The following CDH13 variants were observed in gnomAD, a reference collection of about 807,000 sequenced individuals.
CDH13 encodes the protein cadherin 13, also known as cadherin-13.
A neutral mutation model predicts 63.8 loss-of-function variants in CDH13; 24 were observed. That is an observed-to-expected ratio of 0.38 (90% CI 0.27 to 0.53). The LOEUF is 0.53. Among genes scored for constraint, CDH13 ranks in the 20% least tolerant of loss-of-function variants. CDH13 has a pLI of 0.85. For missense variants in CDH13, 1,049 were observed against 903.1 expected (o/e 1.16, Z -2.07); for synonymous variants, 503 against 355.3 (o/e 1.42, Z -4.67).
At chr16:83,597,237 AC>A (rs796262264) in intron 7 of CDH13, among the ~76,000 whole-genome samples, 4,952 of 152,192 alleles carry the variant, frequency 0.033, 271 homozygotes, top group African/African-American at 0.11. Context: ...ACACACACAC[AC>A]AAAAAGTAGA....
chr16:83,375,479 GA>G lies in CDH13; in HGVS notation c.781+30476del, dbSNP rs1395216149. On this transcript the variant is annotated intron_variant, in intron 6 of 13. Transcript: ENST00000567109. ...CTTATGAGTATCTGTTGTGTGCAGA[GA>G]AATATGTTGGAGGACTCTGGGAACT... Among the ~76,000 whole-genome samples the G allele has an allele frequency of 2.6e-5, 4 of 152,168 alleles. No homozygotes were observed. In the East Asian group the frequency reaches 7.7e-4, roughly 29 times the overall value.
chr16:82,703,759 C>T (rs574872610), intron 1 of CDH13, among the ~76,000 whole-genome samples: 24 of 152,118 alleles, frequency 1.6e-4, no homozygotes, highest in Non-Finnish European at 2.8e-4. Flanking sequence ...CTGGCTGCCC[C>T]CTCTGCTAAT....
At chr16:83,657,729 C>T (rs1039083529) in intron 8 of CDH13, among the ~76,000 whole-genome samples, 2 of 152,196 alleles carry the variant, frequency 1.3e-5, no homozygotes, top group African/African-American at 2.4e-5. Context: ...CATTTGCTTG[C>T]TTAGCAATAT....
intron 1 of CDH13, among the ~76,000 whole-genome samples, chr16:82,627,935 C>T (rs1907542277): frequency 6.6e-6 from 1 of 152,258 alleles, no homozygotes; most frequent in Non-Finnish European, 1.5e-5. Context: ...AAGTTCAAGC[C>T]TTGCCCACCC....
At chr16:83,357,950 C>T (rs1267502443) in intron 6 of CDH13, among the ~76,000 whole-genome samples, 12 of 152,134 alleles carry the variant, frequency 7.9e-5, no homozygotes, top group South Asian at 2.1e-4. Flanking sequence ...CTGAGGGCTT[C>T]CTGTGTGTTA....
chr16:83,060,177 GC>G (rs1225332628), intron 3 of CDH13, among the ~76,000 whole-genome samples: 3 of 152,044 alleles, frequency 2.0e-5, no homozygotes, highest in Non-Finnish European at 4.4e-5. Flanking sequence ...TTTTATCAGT[GC>G]CCCTTTGATT....
At chr16:83,449,896 A>G (rs1008080427) in intron 6 of CDH13, among the ~76,000 whole-genome samples, 2 of 152,238 alleles carry the variant, frequency 1.3e-5, no homozygotes, top group Non-Finnish European at 2.9e-5. Flanking sequence ...GTGCCGAATA[A>G]GTGACGGCTG....
chr16:82,867,648 G>A (rs2040196070), intron 2 of CDH13, among the ~76,000 whole-genome samples: 1 of 152,054 alleles, frequency 6.6e-6, no homozygotes, highest in African/African-American at 2.4e-5. Context: ...GGCTTTTGAG[G>A]GTGCTTTTAA....
At chr16:83,618,156 GGCTCA>G (rs1255053638) in intron 8 of CDH13, among the ~76,000 whole-genome samples, 5 of 152,178 alleles carry the variant, frequency 3.3e-5, no homozygotes, top group Non-Finnish European at 7.3e-5. Flanking sequence ...CAGGCATGGT[GGCTCA>G]TGCCTGTAAT....
Position 83,796,931 on chromosome 16 carries a change from G to A in CDH13, c.*1901G>A, listed in dbSNP as rs1904284368. 6.6e-6 allele frequency: 1 copy of A among 152,192 alleles called. No individual in the cohort carries two copies. Among genetic ancestry groups the A allele is most frequent in the Non-Finnish European group, 1.5e-5 (1 of 68,034 alleles). The allele number at this position is 152,192 out of a possible 1,614,324, so 9.4% of individuals were successfully genotyped here. On this transcript the variant is annotated 3_prime_UTR_variant, in exon 14 of 14. Transcript: ENST00000567109. ...TCCCAAGACCTGGGGATTTTTCTCT[G>A]GAACAAATCCTGTTGCTGGATCAGG...
intron 6 of CDH13, among the ~76,000 whole-genome samples, chr16:83,478,269 C>T (rs1435504079): frequency 3.3e-5 from 5 of 152,148 alleles, no homozygotes; most frequent in African/African-American, 1.2e-4. Flanking sequence ...GAGGCACACG[C>T]TCCAGTTTGC....
At chr16:82,837,866 G>T (rs1463552009) in intron 1 of CDH13, among the ~76,000 whole-genome samples, 2 of 152,214 alleles carry the variant, frequency 1.3e-5, no homozygotes, top group Non-Finnish European at 2.9e-5. Context: ...TACCAGTTAT[G>T]GGCATGGGAA....
chr16:83,296,621 A>G (rs569318579), intron 5 of CDH13, among the ~76,000 whole-genome samples: 188 of 152,256 alleles, frequency 1.2e-3, no homozygotes, highest in African/African-American at 4.0e-3. Context: ...AATTAGTACA[A>G]CACAAGTACA....
At chr16:82,892,661 A>C (rs2041119874) in intron 2 of CDH13, among the ~76,000 whole-genome samples, 1 of 152,240 alleles carries the variant, frequency 6.6e-6, no homozygotes, top group African/African-American at 2.4e-5. Context: ...AACCACTGCA[A>C]GTTGTTCTGT....
At chr16:83,193,393 C>T (rs2038783841) in intron 4 of CDH13, among the ~76,000 whole-genome samples, 1 of 152,166 alleles carries the variant, frequency 6.6e-6, no homozygotes, top group Admixed American at 6.5e-5. Context: ...GCAAGCCCTG[C>T]ATGCCAGTTG....
At chr16:82,804,030 C>T (rs1292540484) in intron 1 of CDH13, among the ~76,000 whole-genome samples, 1 of 152,092 alleles carries the variant, frequency 6.6e-6, no homozygotes, top group Non-Finnish European at 1.5e-5. Flanking sequence ...GAGATCGAGA[C>T]CAGCCTGACC....
rs564938392 is a variant in CDH13 at position 83,031,440 on chromosome 16, T to C, written c.158-570T>C. Among the ~76,000 whole-genome samples the C allele has an allele frequency of 2.3e-4, 35 of 150,202 alleles. 1 individual carries two copies. Among genetic ancestry groups the C allele is most frequent in the Middle Eastern group, 3.4e-3 (1 of 290 alleles). ...CACGTATATGGTATATACATGTACATGTATATGCATACACGTATATGGTAT... is the reference window on the plus strand; with the variant it reads ...CACGTATATGGTATATACATGTACACGTATATGCATACACGTATATGGTAT... On this transcript the variant is annotated intron_variant, in intron 2 of 13. Transcript: ENST00000567109.
intron 11 of CDH13, among the ~76,000 whole-genome samples, chr16:83,768,901 A>G (rs962574994): frequency 3.3e-5 from 5 of 151,944 alleles, no homozygotes; most frequent in African/African-American, 9.7e-5. Context: ...CTGACCTCCT[A>G]TCTCATCCTG....
At chr16:83,554,953 C>T (rs2075574738) in intron 7 of CDH13, among the ~76,000 whole-genome samples, 1 of 147,816 alleles carries the variant, frequency 6.8e-6, no homozygotes, top group Non-Finnish European at 1.5e-5. Context: ...GAACCTCTCC[C>T]TCTTTGTTAT....
Sources: allele counts gnomAD v4.1 joint callset (sites outside exome capture counted in the v4.1 genomes callset), GRCh38; gene constraint gnomAD v4.1.1; transcripts MANE v1.5; gene names NCBI Gene and HGNC (gene_info 2026-07-23, HGNC 2026-07-21).